OLFM3: variants seen among roughly 807,000 people sequenced by gnomAD.
OLFM3 encodes the protein noelin-3.
In OLFM3, 20 loss-of-function variants were observed where a neutral mutation model predicts 48.6. The ratio of observed to expected loss-of-function variants is 0.41; its 90% CI spans 0.29 to 0.60. The LOEUF (loss-of-function observed/expected upper bound fraction) is 0.60. OLFM3 is among the 20% of genes least tolerant of loss of function. The pLI is 0.28. For synonymous variants in OLFM3, 222 were observed against 198.1 expected, an observed-to-expected ratio of 1.12 and a Z score of -1.01; for missense variants, 437 against 544.3, an observed-to-expected ratio of 0.80 and a Z score of 1.96.
intron 1 of OLFM3, among the ~76,000 whole-genome samples, chr1:101,961,060 T>G (rs1374467908): frequency 6.6e-6 from 1 of 152,158 alleles, no homozygotes; most frequent in African/African-American, 2.4e-5. Flanking sequence ...AAATGTTCAA[T>G]GGCTCTAGGA....
chr1:101,932,454 T>C (rs1032941969), intron 1 of OLFM3, among the ~76,000 whole-genome samples: 1 of 152,088 alleles, frequency 6.6e-6, no homozygotes, highest in Non-Finnish European at 1.5e-5. Context: ...AGGGAGGACA[T>C]AGACACTGGG....
intron 1 of OLFM3, among the ~76,000 whole-genome samples, chr1:101,884,951 C>T (rs1570596312): frequency 1.3e-5 from 2 of 151,976 alleles, no homozygotes; most frequent in East Asian, 3.9e-4. Flanking sequence ...AGGCTCATTA[C>T]ACATGTTACT....
At chr1:101,948,742 T>C (rs551808834) in intron 1 of OLFM3, among the ~76,000 whole-genome samples, 1 of 151,850 alleles carries the variant, frequency 6.6e-6, no homozygotes, top group Admixed American at 6.6e-5. Context: ...TTTCTCTTTT[T>C]ATTCTCCTCT....
intron 1 of OLFM3, among the ~76,000 whole-genome samples, chr1:101,927,984 T>C (rs1204924263): frequency 6.6e-6 from 1 of 152,062 alleles, no homozygotes; most frequent in Non-Finnish European, 1.5e-5. Context: ...GAGAATGATA[T>C]GTCAAAGAGA....
chr1:101,944,879 C>CA (rs35504595), intron 1 of OLFM3, among the ~76,000 whole-genome samples: 44,332 of 145,342 alleles, frequency 0.31, 7,168 homozygotes, highest in Non-Finnish European at 0.36. Context: ...GACTCCACCT[C>CA]AAAAAAAAAA....
Position 101,804,720 on chromosome 1 carries a change from T to C in OLFM3, c.895A>G (p.Met299Val). The change falls in exon 6 of 6, where the codon ATG becomes GTG. Residue 299 changes from methionine (M) to valine (V), a missense_variant. Around this residue, in one of 3 missense-constraint regions of OLFM3, gnomAD observed 314 missense variants for 365.5 expected, o/e 0.86. Transcript: ENST00000370103. The surrounding 1 kb of genome is among the most constrained non-coding windows in gnomAD (Gnocchi z 4.5). ...SNIIIKYSFD[M>V]GRVLAQRSLE... is the part of the protein sequence containing the mutation. Reference sequence around the variant, plus strand: ...CTTCGTTGGGCAAGCACTCTCCCCATATCAAAGCTGTATTTGATGATGATA... The same window carrying C: ...CTTCGTTGGGCAAGCACTCTCCCCACATCAAAGCTGTATTTGATGATGATA... 6.2e-7 allele frequency: 1 copy of C among 1,612,680 alleles called. No homozygotes were observed. The highest frequency in any genetic ancestry group is 8.5e-7 in the Non-Finnish European group (1 of 1,179,168).
At chr1:101,939,999 AT>A (rs1659738437) in intron 1 of OLFM3, among the ~76,000 whole-genome samples, 2 of 151,986 alleles carry the variant, frequency 1.3e-5, no homozygotes, top group Non-Finnish European at 2.9e-5. Context: ...TGGTGAAAAA[AT>A]ATAACAATTT....
chr1:101,980,113 T>G (rs1346180773), intron 1 of OLFM3, among the ~76,000 whole-genome samples: 1 of 152,206 alleles, frequency 6.6e-6, no homozygotes, highest in Non-Finnish European at 1.5e-5. Context: ...TGTACTCTCA[T>G]TGTATCTAGT....
intron 1 of OLFM3, among the ~76,000 whole-genome samples, chr1:101,858,805 A>G (rs1037987906): frequency 5.3e-5 from 8 of 152,084 alleles, no homozygotes; most frequent in Admixed American, 4.6e-4. Flanking sequence ...CTTCCTGTAC[A>G]GCCTGAAGAA....
At chr1:101,994,667 T>C (rs1570699264) in intron 1 of OLFM3, among the ~76,000 whole-genome samples, 3 of 150,792 alleles carry the variant, frequency 2.0e-5, no homozygotes, top group African/African-American at 7.3e-5. Context: ...CAATGTTTTG[T>C]CTAAAAGTCC....
At chr1:101,869,775 G>A (rs971938480) in intron 1 of OLFM3, among the ~76,000 whole-genome samples, 2 of 152,126 alleles carry the variant, frequency 1.3e-5, no homozygotes, top group Non-Finnish European at 2.9e-5. Flanking sequence ...ATTATAGTGA[G>A]TGAGTTCTCA....
chr1:101,992,972 T>C (rs915379374), intron 1 of OLFM3, among the ~76,000 whole-genome samples: 1 of 152,142 alleles, frequency 6.6e-6, no homozygotes, highest in Non-Finnish European at 1.5e-5. Flanking sequence ...ATCATGAAGA[T>C]AAGTTTAACA....
At position 101,929,476 on chromosome 1, in the gene OLFM3, C is replaced by T. The variant is rs1659377297; in HGVS notation, c.69+67272G>A. ...AAGTATACCTTTATTTCCTTTCTCC[C>T]CACTCTGGCAGATCCTCATCTATCT... On this transcript the variant is annotated intron_variant, in intron 1 of 5. Coordinates refer to ENST00000370103, the MANE Select transcript of OLFM3 (RefSeq NM_058170.4). 2.0e-5 allele frequency among the ~76,000 whole-genome samples: 3 copies of T among 152,130 alleles called. No individual in the cohort carries two copies. The South Asian group carries it at 6.2e-4, about 32-fold the overall frequency.
At chr1:101,810,463 C>A (rs1177636659) in intron 4 of OLFM3, among the ~76,000 whole-genome samples, 1 of 151,976 alleles carries the variant, frequency 6.6e-6, no homozygotes, top group Admixed American at 6.6e-5. Flanking sequence ...TCTAAGCATA[C>A]AATTTTCCAG....
chr1:101,903,860 C>T (rs376956734), intron 1 of OLFM3, among the ~76,000 whole-genome samples: 14 of 151,960 alleles, frequency 9.2e-5, no homozygotes, highest in African/African-American at 3.1e-4. Context: ...CATGGCAATA[C>T]ATTATTTTTA....
At chr1:101,958,369 G>C (rs1660361235) in intron 1 of OLFM3, among the ~76,000 whole-genome samples, 1 of 151,968 alleles carries the variant, frequency 6.6e-6, no homozygotes. Flanking sequence ...TGAGGCAGTA[G>C]GTATGACTGA....
chr1:101,933,989 C>T (rs1306271983), intron 1 of OLFM3, among the ~76,000 whole-genome samples: 1 of 151,822 alleles, frequency 6.6e-6, no homozygotes, highest in Non-Finnish European at 1.5e-5. Context: ...AAGGAAAGAC[C>T]ATTACTGACT....
intron 1 of OLFM3, among the ~76,000 whole-genome samples, chr1:101,888,209 A>C (rs570842453): frequency 6.6e-6 from 1 of 152,272 alleles, no homozygotes; most frequent in African/African-American, 2.4e-5. Flanking sequence ...CTAAGCAAAA[A>C]GAACAAAGCT....
intron 1 of OLFM3, among the ~76,000 whole-genome samples, chr1:101,852,726 A>G (rs1656272470): frequency 6.6e-6 from 1 of 152,108 alleles, no homozygotes; most frequent in South Asian, 2.1e-4. Flanking sequence ...CAAATAAACA[A>G]CAACAAAAAT....
Sources: allele counts gnomAD v4.1 joint callset (sites outside exome capture counted in the v4.1 genomes callset), GRCh38; gene constraint gnomAD v4.1.1; regional missense constraint gnomAD v4.1.1; non-coding constraint Gnocchi (gnomAD v3.1); transcripts MANE v1.5; gene names NCBI Gene and HGNC (gene_info 2026-07-23, HGNC 2026-07-21).